Variants in DOCK1 observed in about 807,000 individuals in gnomAD.
DOCK1 encodes dedicator of cytokinesis protein 1.
DOCK1 carries 138 observed loss-of-function variants against 262.7 expected under a neutral mutation model. That is an observed-to-expected ratio of 0.53 (90% CI 0.46 to 0.61). The LOEUF is 0.61. DOCK1 is among the 20% of genes least tolerant of loss of function. DOCK1 has a pLI of 0.00. For missense variants in DOCK1, 1,908 were observed against 2,370.7 expected (o/e 0.80, Z 4.05); for synonymous variants, 866 against 867.4 (o/e 1.00, Z 0.03).
chr10:127,110,204 T>C (rs755266697), intron 24 of DOCK1, 44 bp from the exon 25 acceptor site: 1 of 1,506,906 alleles, frequency 6.6e-7, no homozygotes, highest in East Asian at 2.3e-5. Flanking sequence ...TGGATCCTTT[T>C]GCTATGTGTC....
intron 33 of DOCK1, among the ~76,000 whole-genome samples, chr10:127,367,772 G>A (rs1420756389): frequency 6.6e-6 from 1 of 152,212 alleles, no homozygotes; most frequent in Non-Finnish European, 1.5e-5. Flanking sequence ...ACTGGACGCT[G>A]CATGACGCTC....
At chr10:127,190,662 TCTTCCCCC>T (rs2056660430) in intron 27 of DOCK1, among the ~76,000 whole-genome samples, 1 of 7,250 alleles carries the variant, frequency 1.4e-4, no homozygotes, top group Non-Finnish European at 3.3e-4. Flanking sequence ...AGAAATCCTA[TCTTCCCCC>T]CCCCCCCCCC....
At chr10:126,943,075 G>T (rs1256721223) in intron 1 of DOCK1, among the ~76,000 whole-genome samples, 1 of 147,858 alleles carries the variant, frequency 6.8e-6, no homozygotes, top group Non-Finnish European at 1.5e-5. Flanking sequence ...TGGCCAACAT[G>T]GTGAAATCCT....
intron 27 of DOCK1, among the ~76,000 whole-genome samples, chr10:127,239,372 C>T (rs375530291): frequency 9.2e-5 from 14 of 151,958 alleles, no homozygotes; most frequent in African/African-American, 2.4e-4. Flanking sequence ...ATTCTCCTTA[C>T]GATTCATTTA....
At chr10:127,019,325 T>C (rs112757818) in intron 13 of DOCK1, among the ~76,000 whole-genome samples, 1 of 152,356 alleles carries the variant, frequency 6.6e-6, no homozygotes, top group African/African-American at 2.4e-5. Flanking sequence ...ATTAATCTCA[T>C]ATTTACATAA....
chr10:126,928,051 GAAGAGGGGCT>G (rs1263709111), intron 1 of DOCK1, among the ~76,000 whole-genome samples: 11 of 152,234 alleles, frequency 7.2e-5, no homozygotes, highest in Admixed American at 5.9e-4. Flanking sequence ...ATACTCAGGG[GAAGAGGGGCT>G]AAGTGTTCTC....
intron 27 of DOCK1, among the ~76,000 whole-genome samples, chr10:127,239,706 C>T (rs2059195562): frequency 6.6e-6 from 1 of 152,084 alleles, no homozygotes; most frequent in Admixed American, 6.5e-5. Context: ...AGTGTGTTTT[C>T]AGATCCTCTA....
At chr10:127,224,759 A>G (rs1295728156) in intron 27 of DOCK1, among the ~76,000 whole-genome samples, 1 of 151,798 alleles carries the variant, frequency 6.6e-6, no homozygotes, top group Non-Finnish European at 1.5e-5. Context: ...GTTCATATGT[A>G]TCTATATATT....
intron 49 of DOCK1, 50 bp from the exon 50 acceptor site, chr10:127,444,076 C>T (rs746556324): frequency 3.2e-6 from 5 of 1,545,806 alleles, no homozygotes; most frequent in Non-Finnish European, 4.4e-6. Context: ...GGAAACGCAA[C>T]TCAGCCCATA....
At chr10:127,227,102 G>C (rs1002029662) in intron 27 of DOCK1, among the ~76,000 whole-genome samples, 1 of 152,182 alleles carries the variant, frequency 6.6e-6, no homozygotes, top group African/African-American at 2.4e-5. Context: ...GAATCTCGTT[G>C]AAGTCCAGTT....
intron 1 of DOCK1, among the ~76,000 whole-genome samples, chr10:126,934,115 C>G (rs1331517647): frequency 1.3e-5 from 2 of 152,160 alleles, no homozygotes; most frequent in Non-Finnish European, 2.9e-5. Flanking sequence ...CTGCACCCAA[C>G]CTATTTTACT....
chr10:127,314,399 TG>T (rs2062184119), intron 29 of DOCK1, among the ~76,000 whole-genome samples: 1 of 152,218 alleles, frequency 6.6e-6, no homozygotes, highest in Non-Finnish European at 1.5e-5. Context: ...AAGCTGTGGC[TG>T]CGCAGTGCCT....
At chr10:126,912,121 A>G (rs1236776826) in intron 1 of DOCK1, among the ~76,000 whole-genome samples, 1 of 151,794 alleles carries the variant, frequency 6.6e-6, no homozygotes, top group African/African-American at 2.4e-5. Context: ...CAGTGTCCTC[A>G]TTTCCTCTTC....
chr10:126,956,296 A>T (rs1293550179), intron 1 of DOCK1, among the ~76,000 whole-genome samples: 1 of 152,182 alleles, frequency 6.6e-6, no homozygotes, highest in Non-Finnish European at 1.5e-5. Context: ...GAAGCCTGAG[A>T]TTTCACCAGC....
At position 127,433,149 on chromosome 10, in the gene DOCK1, A is replaced by G. The variant is rs2069415199; in HGVS notation, c.4915-134A>G. On this transcript the variant is annotated intron_variant, in intron 47 of 51. Transcript: ENST00000623213. Reference sequence around the variant, plus strand: ...TTTTTGTCTTCCACTCAGAACAAGAACATGTACTGTTTACAGAAGTCTGAA... The same window carrying G: ...TTTTTGTCTTCCACTCAGAACAAGAGCATGTACTGTTTACAGAAGTCTGAA... The G allele has an allele frequency of 2.4e-6, 3 of 1,260,158 alleles. No individual in the cohort carries two copies. The Admixed American group carries it at 6.6e-5, about 28-fold the overall frequency. 78.1% of individuals were successfully genotyped at this position (1,260,158 alleles called of 1,614,324 possible). A position where few individuals can be genotyped will look rare whatever the true frequency, so the allele number is the denominator to read the frequency against.
At chr10:127,106,417 T>A in intron 24 of DOCK1, 116 bp downstream of exon 24, 1 of 1,020,516 alleles carries the variant, frequency 9.8e-7, no homozygotes. Flanking sequence ...GTCAGTGCCC[T>A]GGATCATTCT....
intron 1 of DOCK1, among the ~76,000 whole-genome samples, chr10:126,938,814 AACAC>A: frequency 2.0e-5 from 1 of 48,920 alleles, no homozygotes; most frequent in South Asian, 5.4e-4. Context: ...GGAGGGGATG[AACAC>A]AGGAGGGGAC....
intron 27 of DOCK1, among the ~76,000 whole-genome samples, chr10:127,142,348 C>G (rs898924316): frequency 3.3e-5 from 5 of 152,178 alleles, no homozygotes; most frequent in East Asian, 1.9e-4. Flanking sequence ...GCCTCACTCT[C>G]CAGCAGCTCA....
rs1291928953 is a variant in DOCK1, at chr10:126,951,064, A to G, written c.47-19638A>G. 4.6e-5 allele frequency among the ~76,000 whole-genome samples: 7 copies of G among 151,026 alleles called. No homozygotes were observed. In the East Asian group the frequency reaches 5.9e-4, roughly 13 times the overall value. The stretch of plus-strand genomic sequence containing the variant: ...TAGTATTGGTGATGGTGGTGGTAGT[A>G]TTGTTTTTGGTAGTGTTTTTAGTAT... On this transcript the variant is annotated intron_variant, in intron 1 of 51. Transcript: ENST00000623213.
Sources: gnomAD v4.1 joint callset for allele counts (sites outside exome capture counted in the v4.1 genomes callset) on GRCh38, gnomAD v4.1.1 for gene constraint, MANE v1.5 for transcripts, NCBI Gene and HGNC (gene_info 2026-07-23, HGNC 2026-07-21) for gene names.